Variants in SOX10 observed in about 807,000 individuals in gnomAD.
The protein encoded by SOX10 is SRY-box transcription factor 10, also known as transcription factor SOX-10.
In SOX10, 3 loss-of-function variants were observed where a neutral mutation model predicts 35.0. That is an observed-to-expected ratio of 0.09 (90% confidence interval 0.04 to 0.22). SOX10 has a LOEUF of 0.22. SOX10 is among the 10% of genes least tolerant of loss of function. The pLI, the probability that SOX10 is intolerant of heterozygous loss-of-function variation, is 1.00. For missense variants in SOX10, 436 were observed against 655.1 expected, an observed-to-expected ratio of 0.67 and a Z score of 3.65; for synonymous variants, 285 against 291.0, an observed-to-expected ratio of 0.98 and a Z score of 0.21.
At position 37,980,552 on chromosome 22, in the gene SOX10, C is replaced by T. The variant is rs964869330; in HGVS notation, c.429-2417G>A. Among the ~76,000 whole-genome samples the T allele has an allele frequency of 3.3e-5, 5 of 152,068 alleles. No homozygotes were observed. Among genetic ancestry groups the T allele is most frequent in the Non-Finnish European group, 2.9e-5 (2 of 67,990 alleles). On this transcript the variant is annotated intron_variant, in intron 2 of 3. Transcript: ENST00000396884. The surrounding 1 kb of genome is among the most constrained non-coding windows in gnomAD (Gnocchi z 4.1). ...CAGCTCCCTCCTCCACCAGCTGTGCCGGACAGCTGATTCCACCTCCACCCC... is the reference window on the plus strand; with the variant it reads ...CAGCTCCCTCCTCCACCAGCTGTGCTGGACAGCTGATTCCACCTCCACCCC...
chr22:37,983,680 G>A lies in SOX10; in HGVS notation c.105C>T (p.Gly35=), dbSNP rs1284869913. ...PGSAPSLGPD[G]GGGGSGLRAS... ...CTCGCAGGCCCGATCCGCCGCCGCC[G>A]CCGTCGGGCCCTAGCGAGGGCGCGC... Residue 35 remains glycine (G), a synonymous_variant, in exon 2 of 4, where the codon GGC becomes GGT. Coordinates refer to ENST00000396884, the MANE Select transcript of SOX10 (RefSeq NM_006941.4). This position sits in a 1 kb window ranked among gnomAD's most constrained non-coding sequence, Gnocchi z 9.5. 6.4e-7 allele frequency: 1 copy of A among 1,561,180 alleles called. No homozygotes were observed. The highest frequency in any genetic ancestry group is 1.2e-5 in the South Asian group (1 of 86,628).
At chr22:37,976,754 A>G (rs1932232108) in intron 3 of SOX10, among the ~76,000 whole-genome samples, 1 of 152,250 alleles carries the variant, frequency 6.6e-6, no homozygotes, top group Non-Finnish European at 1.5e-5. Flanking sequence ...GTTAGTATAC[A>G]TAAGGCAACT....
rs1218932340 is a variant in SOX10 at position 37,980,922 on chromosome 22, C to T, written c.428+2435G>A. ...AACAGAGGCTGGGTGACCCCCACCA[C>T]ACAGGAGGGACTCTTGCCTGTGTCC... On this transcript the variant is annotated intron_variant, in intron 2 of 3. Coordinates refer to ENST00000396884, the MANE Select transcript of SOX10 (RefSeq NM_006941.4). The surrounding 1 kb of genome is among the most constrained non-coding windows in gnomAD (Gnocchi z 4.1). Among the ~76,000 whole-genome samples, 3 of 152,218 alleles carry T rather than the reference C, an allele frequency of 2.0e-5. No individual in the cohort carries two copies. Among genetic ancestry groups the T allele is most frequent in the Non-Finnish European group, 2.9e-5 (2 of 68,048 alleles).
Position 37,973,536 on chromosome 22 carries a change from G to T in SOX10, c.1360C>A (p.His454Asn). 6.2e-7 allele frequency: 1 copy of T among 1,611,402 alleles called. No homozygotes were observed. ...GTCGTATATACTGGCTGCTCCCAGT[G>T]TGTGGGGCTGTGGGACTGGGGCCCT... The part of the protein sequence containing the change: ...PSGPQSHSPT[H>N]WEQPVYTTLS... Residue 454 changes from histidine to asparagine, a missense_variant, in exon 4 of 4, where the codon CAC (histidine) becomes AAC (asparagine). Physicochemically the swap from His to Asn is moderately conservative, Grantham distance 68. Coordinates refer to ENST00000396884, the MANE Select transcript of SOX10 (RefSeq NM_006941.4).
rs1932125552 is a variant in SOX10 at position 37,973,590 on chromosome 22, A to G, written c.1306T>C (p.Tyr436His). Residue 436 changes from tyrosine (Y) to histidine (H), a missense_variant, in exon 4 of 4, where the codon TAC becomes CAC. Physicochemically the swap from Tyr to His is moderately conservative, Grantham distance 83. This residue lies in a region of SOX10 where 285 missense variants were observed against 402.9 expected (regional missense o/e 0.71). Transcript: ENST00000396884. Reference sequence around the variant, plus strand: ...GGGCTGGGGTCAGAGATGGCCGTGTAGAGGGGCCGCTGCGAGGGCCCCATA... The same window carrying G: ...GGGCTGGGGTCAGAGATGGCCGTGTGGAGGGGCCGCTGCGAGGGCCCCATA... ...SYMGPSQRPLYTAISDPSPSG... is the reference protein window; with the variant it reads ...SYMGPSQRPLHTAISDPSPSG... 1 of 1,612,930 alleles carries G rather than the reference A, an allele frequency of 6.2e-7. No individual in the cohort carries two copies. Among genetic ancestry groups the G allele is most frequent in the African/African-American group, 1.3e-5 (1 of 74,920 alleles).
At position 37,974,345 on chromosome 22, in the gene SOX10, G is replaced by A. The variant is rs1472360552; in HGVS notation, c.698-147C>T. On this transcript the variant is annotated intron_variant, in intron 3 of 3. Transcript: ENST00000396884. This position sits in a 1 kb window ranked among gnomAD's most constrained non-coding sequence, Gnocchi z 5.4. ...GTTTCACATTTTGGCAGCATGAGTCGGGTTTTTTTTTGTTTTTTTTTTTTG... is the reference window on the plus strand; with the variant it reads ...GTTTCACATTTTGGCAGCATGAGTCAGGTTTTTTTTTGTTTTTTTTTTTTG... 2.4e-5 allele frequency: 15 copies of A among 629,860 alleles called. No individual in the cohort carries two copies. Among genetic ancestry groups the A allele is most frequent in the Middle Eastern group, 4.3e-4 (1 of 2,336 alleles). The allele number at this position is 629,860 out of a possible 1,614,324, so 39.0% of individuals were successfully genotyped here.
At position 37,972,466 on chromosome 22, in the gene SOX10, G is replaced by C. The variant is rs182806665; in HGVS notation, c.*1029C>G. On this transcript the variant is annotated 3_prime_UTR_variant, in exon 4 of 4. Coordinates refer to ENST00000396884, the MANE Select transcript of SOX10 (RefSeq NM_006941.4). Reference sequence around the variant, plus strand: ...GCTGCAGAACAGGAAAATAGGGGCAGATATAGCTACATACTTTATTCAAAT... The same window carrying C: ...GCTGCAGAACAGGAAAATAGGGGCACATATAGCTACATACTTTATTCAAAT... The C allele has an allele frequency of 2.3e-5, 8 of 346,178 alleles. No homozygotes were observed. Among genetic ancestry groups the C allele is most frequent in the Admixed American group, 1.2e-4 (3 of 24,646 alleles). The allele number at this position is 346,178 out of a possible 1,614,324, so 21.4% of individuals were successfully genotyped here.
Position 37,983,028 on chromosome 22 carries a change from T to C in SOX10, c.428+329A>G, listed in dbSNP as rs557630359. Among the ~76,000 whole-genome samples the C allele has an allele frequency of 1.6e-4, 25 of 152,314 alleles. No homozygotes were observed. The highest frequency in any genetic ancestry group is 3.4e-3 in the Middle Eastern group (1 of 294). On this transcript the variant is annotated intron_variant, in intron 2 of 3. Coordinates refer to ENST00000396884, the MANE Select transcript of SOX10 (RefSeq NM_006941.4). The surrounding 1 kb of genome is among the most constrained non-coding windows in gnomAD (Gnocchi z 9.5). The stretch of plus-strand genomic sequence containing the variant: ...ACAGCAGCTGGTGGCATAGTGTGCG[T>C]ATCTGTGGGCAGGAGTTAGTGAAGG...
In SOX10 at chr22:37,974,107, C is replaced by G. The variant is rs1170770614; in HGVS notation, c.789G>C (p.Met263Ile). ...KADPKRDGRS[M>I]GEGGKPHIDF... ...CGATGTGAGGCTTCCCGCCCTCCCC[C>G]ATGGAGCGCCCGTCCCGCTTCGGGT... Residue 263 changes from methionine (M) to isoleucine (I), a missense_variant, in exon 4 of 4, where the codon ATG becomes ATC. By Grantham distance (10) the Met-to-Ile change is conservative. Transcript: ENST00000396884. The surrounding 1 kb of genome is among the most constrained non-coding windows in gnomAD (Gnocchi z 5.4). 2.5e-6 allele frequency: 4 copies of G among 1,613,496 alleles called. No individual in the cohort carries two copies. Among genetic ancestry groups the G allele is most frequent in the Non-Finnish European group, 3.4e-6 (4 of 1,180,026 alleles).
chr22:37,978,231 G>T lies in SOX10; in HGVS notation c.429-96C>A. ...CTCCCTCTGAGTGTCCATCTTGGAA[G>T]ATGTGAGGCCCTGGGATGGGGCACC... is the stretch of plus-strand genomic sequence containing the variant. On this transcript the variant is annotated intron_variant, in intron 2 of 3. Coordinates refer to ENST00000396884, the MANE Select transcript of SOX10 (RefSeq NM_006941.4). The surrounding 1 kb of genome is among the most constrained non-coding windows in gnomAD (Gnocchi z 5.0). The T allele has an allele frequency of 7.5e-7, 1 of 1,338,000 alleles. No homozygotes were observed. The highest frequency in any genetic ancestry group is 9.9e-7 in the Non-Finnish European group (1 of 1,009,246). The allele number at this position is 1,338,000 out of a possible 1,614,324, so 82.9% of individuals were successfully genotyped here.
At chr22:37,976,893 T>C (rs932493854) in intron 3 of SOX10, among the ~76,000 whole-genome samples, 2 of 152,138 alleles carry the variant, frequency 1.3e-5, no homozygotes, top group African/African-American at 2.4e-5. Context: ...TCACATGCCA[T>C]GTCTCCTCTG....
At chr22:37,981,491 G>A (rs1297100273) in intron 2 of SOX10, among the ~76,000 whole-genome samples, 2 of 152,204 alleles carry the variant, frequency 1.3e-5, no homozygotes, top group Non-Finnish European at 2.9e-5. Context: ...AAGTCCTCCT[G>A]AAGGGAGTCC....
chr22:37,981,839 C>T (rs1039933534), intron 2 of SOX10, among the ~76,000 whole-genome samples: 1 of 152,188 alleles, frequency 6.6e-6, no homozygotes, highest in Admixed American at 6.5e-5. Context: ...GCGGGCTGGT[C>T]GCTGAGCCCT....
In SOX10 at chr22:37,974,515, G is replaced by A. The variant is rs1932168101; in HGVS notation, c.698-317C>T. Among the ~76,000 whole-genome samples, 1 of 152,066 alleles carries A rather than the reference G, an allele frequency of 6.6e-6. No individual in the cohort carries two copies. The highest frequency in any genetic ancestry group is 1.5e-5 in the Non-Finnish European group (1 of 68,012). ...TTACAAGCGCCCACCACAATGCCCA[G>A]CTAATTTGTGTATTTTTAGTAGAGA... is the stretch of plus-strand genomic sequence containing the variant. On this transcript the variant is annotated intron_variant, in intron 3 of 3. Coordinates refer to ENST00000396884, the MANE Select transcript of SOX10 (RefSeq NM_006941.4). This position sits in a 1 kb window ranked among gnomAD's most constrained non-coding sequence, Gnocchi z 5.4.
Position 37,977,948 on chromosome 22 carries a change from G to C in SOX10, c.616C>G (p.His206Asp). The change falls in exon 3 of 4, where the codon CAC (histidine) becomes GAC (aspartate). Residue 206 changes from histidine (H) to aspartate (D), a missense_variant. By Grantham distance (81) the His-to-Asp change is moderately conservative (BLOSUM62 -1). Transcript: ENST00000396884. ...EQGGTAAIQA[H>D]YKSAHLDHRH... ...TGGTCCAAGTGGGCGCTCTTGTAGT[G>C]GGCCTGGATGGCGGCGGTCCCACCT... is the stretch of plus-strand genomic sequence containing the variant. 1 of 1,612,642 alleles carries C rather than the reference G, an allele frequency of 6.2e-7. No individual in the cohort carries two copies. The highest frequency in any genetic ancestry group is 1.1e-5 in the South Asian group (1 of 91,074).
intron 2 of SOX10, among the ~76,000 whole-genome samples, chr22:37,979,903 C>T (rs764317748): frequency 1.2e-4 from 19 of 152,070 alleles, no homozygotes; most frequent in Non-Finnish European, 2.2e-4. Flanking sequence ...TCAGCTGCCC[C>T]ACCCCTCACA....
chr22:37,982,462 G>A (rs555078557), intron 2 of SOX10, among the ~76,000 whole-genome samples: 74 of 152,300 alleles, frequency 4.9e-4, no homozygotes, highest in African/African-American at 1.7e-3. Context: ...GACCTGAGTC[G>A]AGGGTGGGAT....
rs994118394 is a variant in SOX10, at chr22:37,980,202, G to A, written c.429-2067C>T. On this transcript the variant is annotated intron_variant, in intron 2 of 3. Transcript: ENST00000396884. This position sits in a 1 kb window ranked among gnomAD's most constrained non-coding sequence, Gnocchi z 4.1. Reference sequence around the variant, plus strand: ...GTGGGATGTGGGCACCCTCTCTGACGGCTGGGACCAGGGGAGGGGGTGGAG... The same window carrying A: ...GTGGGATGTGGGCACCCTCTCTGACAGCTGGGACCAGGGGAGGGGGTGGAG... 1.3e-5 allele frequency among the ~76,000 whole-genome samples: 2 copies of A among 152,134 alleles called. No homozygotes were observed. The highest frequency in any genetic ancestry group is 2.4e-5 in the African/African-American group (1 of 41,422).
rs1932454485 is a variant in SOX10 at position 37,983,214 on chromosome 22, C to T, written c.428+143G>A. Reference sequence around the variant, plus strand: ...CCTTGTGATGGAAGGGCGGGCGCGGCCCCCACACCTGGTCTTCCAGCCCTA... The same window carrying T: ...CCTTGTGATGGAAGGGCGGGCGCGGTCCCCACACCTGGTCTTCCAGCCCTA... On this transcript the variant is annotated intron_variant, in intron 2 of 3. Transcript: ENST00000396884. The surrounding 1 kb of genome is among the most constrained non-coding windows in gnomAD (Gnocchi z 9.5). 5 of 1,000,736 alleles carry T rather than the reference C, an allele frequency of 5.0e-6. No homozygotes were observed. The highest frequency in any genetic ancestry group is 2.8e-5 in the South Asian group (2 of 71,474). 62.0% of individuals were successfully genotyped at this position (1,000,736 alleles called of 1,614,324 possible).
Sources: gnomAD v4.1 joint callset for allele counts (sites outside exome capture counted in the v4.1 genomes callset) on GRCh38, gnomAD v4.1.1 for gene constraint, gnomAD v4.1.1 regional missense constraint, Gnocchi (gnomAD v3.1) non-coding constraint, MANE v1.5 for transcripts, NCBI Gene and HGNC (gene_info 2026-07-23, HGNC 2026-07-21) for gene names.